The following CACNA1C variants were observed in gnomAD, a reference collection of about 807,000 sequenced individuals.
The protein encoded by CACNA1C is calcium voltage-gated channel subunit alpha1 C, also known as voltage-dependent L-type calcium channel subunit alpha-1C.
A neutral mutation model predicts 229.0 loss-of-function variants in CACNA1C; 30 were observed. The ratio of observed to expected loss-of-function variants is 0.13; its 90% CI spans 0.10 to 0.18. CACNA1C has a LOEUF of 0.18. CACNA1C is among the 10% of genes least tolerant of loss of function. CACNA1C has a pLI of 1.00. For missense variants in CACNA1C, 1,658 were observed against 2,845.0 expected, an observed-to-expected ratio of 0.58 and a Z score of 9.49; for synonymous variants, 1,114 against 1,132.5, an observed-to-expected ratio of 0.98 and a Z score of 0.33.
Position 2,566,603 on chromosome 12 carries a change from T to TG in CACNA1C, c.1669+22dup. On this transcript the variant is annotated intron_variant, in intron 12 of 46. Coordinates refer to ENST00000399655, the MANE Select transcript of CACNA1C (RefSeq NM_000719.7). The surrounding 1 kb of genome is among the most constrained non-coding windows in gnomAD (Gnocchi z 4.0). ...CCAAGGTGAGCGGCGGCCCCAGCTC[T>TG]GCTCTGGTTTCCTCCTGGTAACTCA... 6.3e-7 allele frequency: 1 copy of TG among 1,575,314 alleles called. No homozygotes were observed. Among genetic ancestry groups the TG allele is most frequent in the South Asian group, 1.2e-5 (1 of 85,302 alleles).
At chr12:2,202,818 G>A (rs1234044933) in intron 3 of CACNA1C, among the ~76,000 whole-genome samples, 1 of 152,208 alleles carries the variant, frequency 6.6e-6, no homozygotes, top group Non-Finnish European at 1.5e-5. Flanking sequence ...AATGAGGCTT[G>A]AGGATAAAGG....
intron 4 of CACNA1C, among the ~76,000 whole-genome samples, chr12:2,453,857 C>T (rs150076507): frequency 1.6e-4 from 25 of 152,340 alleles, no homozygotes; most frequent in African/African-American, 5.8e-4. Flanking sequence ...GTGGGTGTAA[C>T]TGAATTCCAA....
chr12:2,534,698 A>G (rs1031229267), intron 9 of CACNA1C, among the ~76,000 whole-genome samples: 5 of 152,138 alleles, frequency 3.3e-5, no homozygotes, highest in Non-Finnish European at 5.9e-5. Context: ...GAAATGTTTC[A>G]TCCATTAGGG....
chr12:2,550,529 C>T, intron 10 of CACNA1C: 1 of 1,349,476 alleles, frequency 7.4e-7, no homozygotes, highest in East Asian at 4.6e-5. Context: ...ACCTGAAGCT[C>T]TCTCATCCTG....
At chr12:2,120,544 GA>G in intron 3 of CACNA1C, 114 bp downstream of exon 3, 1 of 732,524 alleles carries the variant, frequency 1.4e-6, no homozygotes, top group Non-Finnish European at 2.5e-6. Flanking sequence ...GCATGTGCAG[GA>G]GCCCTGCAGA....
chr12:2,593,658 A>G (rs1408032149), intron 19 of CACNA1C, among the ~76,000 whole-genome samples: 1 of 152,218 alleles, frequency 6.6e-6, no homozygotes, highest in East Asian at 1.9e-4. Flanking sequence ...CTCCTGTATA[A>G]TAGAGTGACC....
chr12:2,220,279 G>T (rs1057307674), intron 3 of CACNA1C, among the ~76,000 whole-genome samples: 1 of 152,218 alleles, frequency 6.6e-6, no homozygotes. Flanking sequence ...TTCATTATCT[G>T]TAAGAGTGGG....
intron 29 of CACNA1C, among the ~76,000 whole-genome samples, chr12:2,626,947 G>C (rs950531486): frequency 4.6e-5 from 7 of 152,198 alleles, no homozygotes; most frequent in Non-Finnish European, 1.0e-4. Context: ...AAATGTCCTG[G>C]GGAGGATAAG....
intron 9 of CACNA1C, among the ~76,000 whole-genome samples, chr12:2,541,884 C>G (rs1285492659): frequency 6.6e-6 from 1 of 152,214 alleles, no homozygotes; most frequent in Admixed American, 6.5e-5. Context: ...ATCCCTCATT[C>G]TCTCATGTGG....
rs1231789843 is a variant in CACNA1C at position 2,582,495 on chromosome 12, C to T, written c.2104-327C>T. Among the ~76,000 whole-genome samples, 3 of 152,160 alleles carry T rather than the reference C, an allele frequency of 2.0e-5. No homozygotes were observed. The South Asian group carries it at 6.2e-4, about 32-fold the overall frequency. ...TAGCCTGTGGCTGTCTCAGCAAACA[C>T]ACAACTGCAAAAGGGTCCTGACGCC... On this transcript the variant is annotated intron_variant, in intron 14 of 46. Transcript: ENST00000399655.
chr12:2,594,586 C>A (rs940484791), intron 19 of CACNA1C, among the ~76,000 whole-genome samples: 1 of 152,186 alleles, frequency 6.6e-6, no homozygotes, highest in Admixed American at 6.5e-5. Flanking sequence ...AATTCCTCAT[C>A]TTTGTGATTT....
At chr12:2,682,882 CACACACACACAG>C (rs1242142381) in intron 43 of CACNA1C, among the ~76,000 whole-genome samples, 1 of 16,686 alleles carries the variant, frequency 6.0e-5, no homozygotes, top group Non-Finnish European at 4.0e-4. Flanking sequence ...ACACACACCA[CACACACACACAG>C]ACACACACAA....
At position 2,191,580 on chromosome 12, in the gene CACNA1C, G is replaced by A. The variant is rs374893965; in HGVS notation, c.477+71150G>A. 3.3e-5 allele frequency among the ~76,000 whole-genome samples: 5 copies of A among 151,992 alleles called. No homozygotes were observed. In the South Asian group the frequency reaches 1.0e-3, roughly 32 times the overall value. The stretch of plus-strand genomic sequence containing the variant: ...CTCACATGCACTCACATGTACTCAA[G>A]CATACACACATGCACTCACACACAT... On this transcript the variant is annotated intron_variant, in intron 3 of 46. Transcript: ENST00000399655.
At position 2,266,103 on chromosome 12, in the gene CACNA1C, A is replaced by T. The variant is rs920204380; in HGVS notation, c.477+145673A>T. On this transcript the variant is annotated intron_variant, in intron 3 of 46. Coordinates refer to ENST00000399655, the MANE Select transcript of CACNA1C (RefSeq NM_000719.7). Reference sequence around the variant, plus strand: ...CAGAAACTCAGGCAACCAAGGCAGGATGAGCAGGCATGTGGCTTGCCATGT... The same window carrying T: ...CAGAAACTCAGGCAACCAAGGCAGGTTGAGCAGGCATGTGGCTTGCCATGT... Among the ~76,000 whole-genome samples the T allele has an allele frequency of 4.6e-5, 7 of 152,224 alleles. No individual in the cohort carries two copies. In the South Asian group the frequency reaches 1.4e-3, roughly 32 times the overall value.
intron 3 of CACNA1C, among the ~76,000 whole-genome samples, chr12:2,176,604 TC>T (rs3216318): frequency 0.34 from 50,834 of 151,470 alleles, 9,289 homozygotes; most frequent in South Asian, 0.42. Flanking sequence ...CTTCACCTGT[TC>T]CTAGGGGTTC....
chr12:2,555,871 GC>G (rs2043907642), intron 10 of CACNA1C, among the ~76,000 whole-genome samples: 1 of 152,154 alleles, frequency 6.6e-6, no homozygotes, highest in African/African-American at 2.4e-5. Context: ...CTAGCTGTGT[GC>G]CGCGCTGGGA....
chr12:2,374,155 C>G (rs374245275), intron 3 of CACNA1C, among the ~76,000 whole-genome samples: 5 of 152,342 alleles, frequency 3.3e-5, no homozygotes, highest in African/African-American at 4.8e-5. Context: ...TGCACGTTTA[C>G]TTACCAGTGC....
At chr12:2,395,818 A>G (rs979749631) in intron 3 of CACNA1C, among the ~76,000 whole-genome samples, 1 of 152,198 alleles carries the variant, frequency 6.6e-6, no homozygotes, top group Non-Finnish European at 1.5e-5. Context: ...ATTAGCACAG[A>G]TCTGAGCCAC....
chr12:2,421,995 T>C lies in CACNA1C; in HGVS notation c.478-26981T>C, dbSNP rs578056130. ...GCAACCTGGTAGTGAACAAAATACC[T>C]TTCTCTGTTCCTCCACTCAGGGAAA... On this transcript the variant is annotated intron_variant, in intron 3 of 46. Coordinates refer to ENST00000399655, the MANE Select transcript of CACNA1C (RefSeq NM_000719.7). 5.0e-4 allele frequency among the ~76,000 whole-genome samples: 76 copies of C among 152,288 alleles called. 1 individual carries two copies. The South Asian group carries it at 0.015, about 29-fold the overall frequency.
Sources: gnomAD v4.1 joint callset for allele counts (sites outside exome capture counted in the v4.1 genomes callset) on GRCh38, gnomAD v4.1.1 for gene constraint, Gnocchi (gnomAD v3.1) non-coding constraint, MANE v1.5 for transcripts, NCBI Gene and HGNC (gene_info 2026-07-23, HGNC 2026-07-21) for gene names.